The following SIPA1 variants were observed in gnomAD, a reference collection of about 807,000 sequenced individuals.
The protein encoded by SIPA1 is signal-induced proliferation-associated protein 1.
In SIPA1, 51 loss-of-function variants were observed where a neutral mutation model predicts 88.1. The ratio of observed to expected loss-of-function variants is 0.58; its 90% CI spans 0.46 to 0.73. SIPA1 has a LOEUF of 0.73. Among genes scored for constraint, SIPA1 ranks in the 30% least tolerant of loss-of-function variants. The pLI, the probability that SIPA1 is intolerant of heterozygous loss-of-function variation, is 0.00. For missense variants in SIPA1, 1,348 were observed against 1,467.6 expected (o/e 0.92, Z 1.33); for synonymous variants, 681 against 664.8 (o/e 1.02, Z -0.37).
In SIPA1 at chr11:65,642,090, A is replaced by G. The variant is rs1340679080; in HGVS notation, c.680-160A>G. 1.0e-5 allele frequency: 11 copies of G among 1,057,556 alleles called. No individual in the cohort carries two copies. Among genetic ancestry groups the G allele is most frequent in the Admixed American group, 3.0e-5 (1 of 33,596 alleles). 65.5% of individuals were successfully genotyped at this position (1,057,556 alleles called of 1,614,324 possible). A position where few individuals can be genotyped will look rare whatever the true frequency, so the allele number is the denominator to read the frequency against. ...CACCTCTGGGTCAGGGTTGAGATCAAGATATTGAGCTCGGGGCTACAGAGG... is the reference window on the plus strand; with the variant it reads ...CACCTCTGGGTCAGGGTTGAGATCAGGATATTGAGCTCGGGGCTACAGAGG... On this transcript the variant is annotated intron_variant, in intron 2 of 15. Coordinates refer to ENST00000534313, the MANE Select transcript of SIPA1 (RefSeq NM_006747.4). The surrounding 1 kb of genome is among the most constrained non-coding windows in gnomAD (Gnocchi z 6.5).
rs1256311709 is a variant in SIPA1, at chr11:65,646,766, G to A, written c.1732G>A (p.Ala578Thr). The A allele has an allele frequency of 6.0e-6, 9 of 1,488,844 alleles. No individual in the cohort carries two copies. Among genetic ancestry groups the A allele is most frequent in the Non-Finnish European group, 7.1e-6 (8 of 1,126,714 alleles). 92.2% of individuals were successfully genotyped at this position (1,488,844 alleles called of 1,614,324 possible). The change falls in exon 8 of 16, where the codon GCG becomes ACG. Residue 578 changes from alanine (A) to threonine (T), a missense_variant. Physicochemically the swap from Ala to Thr is moderately conservative, Grantham distance 58. Transcript: ENST00000534313. The surrounding 1 kb of genome is among the most constrained non-coding windows in gnomAD (Gnocchi z 7.5). ...GGGCCCAGGCGCCGAGCTGCAGGCA[G>A]CGGGCTCACTGGTGTGGGGAGTGCG... ...PRGPGAELQAAGSLVWGVRAA... is the reference protein window; with the variant it reads ...PRGPGAELQATGSLVWGVRAA...
At chr11:65,644,255 T>C (rs1215538486) in intron 4 of SIPA1, among the ~76,000 whole-genome samples, 1 of 149,314 alleles carries the variant, frequency 6.7e-6, no homozygotes, top group African/African-American at 2.5e-5. Context: ...GGGAGGAGCA[T>C]GGGTGGAGAA....
chr11:65,645,007 C>T lies in SIPA1; in HGVS notation c.1037C>T (p.Ser346Leu), dbSNP rs201118568. 4.4e-5 allele frequency: 71 copies of T among 1,613,906 alleles called. No individual in the cohort carries two copies. The East Asian group carries it at 1.2e-3, about 26-fold the overall frequency. Residue 346 changes from serine (S) to leucine (L), a missense_variant, in exon 5 of 16, where the codon TCG becomes TTG. This residue lies in a region of SIPA1 where 641 missense variants were observed against 797.7 expected (regional missense o/e 0.80). Coordinates refer to ENST00000534313, the MANE Select transcript of SIPA1 (RefSeq NM_006747.4). ...CTGTACTGCCGGGCGGGCCAGGGCT[C>T]GGAGGAGGAGATGTACAACAACCAG... ...GILYCRAGQG[S>L]EEEMYNNQEA...
chr11:65,643,824 C>A (rs1014907058), intron 4 of SIPA1, among the ~76,000 whole-genome samples: 1 of 148,412 alleles, frequency 6.7e-6, no homozygotes, highest in African/African-American at 2.5e-5. Context: ...TGGGGAGGGG[C>A]GGGGGAGAAG....
chr11:65,643,480 G>A (rs554583608), intron 4 of SIPA1, among the ~76,000 whole-genome samples: 35 of 152,334 alleles, frequency 2.3e-4, no homozygotes, highest in African/African-American at 8.4e-4. Context: ...CCTTTTTGGT[G>A]CCAGGCCTCA....
chr11:65,650,663 G>A lies in SIPA1; in HGVS notation c.3077G>A (p.Arg1026His), dbSNP rs761466450. The change falls in exon 16 of 16, where the codon CGC becomes CAC. Residue 1026 changes from arginine to histidine, a missense_variant. Around this residue, in one of 4 missense-constraint regions of SIPA1, gnomAD observed 615 missense variants for 559.8 expected, o/e 1.10. Transcript: ENST00000534313. ...GCGGAGTCTGAGAGTGCAGCCACAC[G>A]CCTCCTCCTGGCCTCCAAGCAGCTG... Reference protein sequence around the residue: ...LQAESESAATRLLLASKQLGS... With the variant: ...LQAESESAATHLLLASKQLGS... 35 of 1,575,756 alleles carry A rather than the reference G, an allele frequency of 2.2e-5. No individual in the cohort carries two copies. The highest frequency in any genetic ancestry group is 1.7e-4 in the South Asian group (15 of 86,590).
chr11:65,641,673 A>G (rs1299275200), intron 2 of SIPA1, 73 bp downstream of exon 2: 5 of 1,313,844 alleles, frequency 3.8e-6, no homozygotes, highest in Non-Finnish European at 5.2e-6. Flanking sequence ...CAGTGCACAC[A>G]GTAGGGCTCA....
rs767549842 is a variant in SIPA1, at chr11:65,641,496, C to T, written c.575C>T (p.Ala192Val). Reference protein sequence around the residue: ...SPPVPPALPNAAVSILEEPQN... With the variant: ...SPPVPPALPNVAVSILEEPQN... ...CCTGTGCCCCCTGCACTGCCCAACGCGGCCGTGTCCATCCTGGAGGAGCCA... is the reference window on the plus strand; with the variant it reads ...CCTGTGCCCCCTGCACTGCCCAACGTGGCCGTGTCCATCCTGGAGGAGCCA... The change falls in exon 2 of 16, where the codon GCG becomes GTG. Residue 192 changes from alanine to valine, a missense_variant. Ala to Val is a moderately conservative substitution (Grantham distance 64). This residue lies in a region of SIPA1 where 641 missense variants were observed against 797.7 expected (regional missense o/e 0.80). Transcript: ENST00000534313. 16 of 1,612,194 alleles carry T rather than the reference C, an allele frequency of 9.9e-6. No homozygotes were observed. The highest frequency in any genetic ancestry group is 4.5e-5 in the East Asian group (2 of 44,880).
chr11:65,647,008 G>T lies in SIPA1; in HGVS notation c.1974G>T (p.Thr658=). Residue 658 remains threonine, a synonymous_variant, in exon 8 of 16, where the codon ACG becomes ACT. Coordinates refer to ENST00000534313, the MANE Select transcript of SIPA1 (RefSeq NM_006747.4). ...DLYHGRGEAI[T]LRFDGSPGQA... ...ACCACGGCCGCGGGGAGGCGATCAC[G>T]CTGCGCTTCGACGGGTCCCCCGGCC... 6.5e-7 allele frequency: 1 copy of T among 1,540,200 alleles called. No homozygotes were observed. Among genetic ancestry groups the T allele is most frequent in the Non-Finnish European group, 8.7e-7 (1 of 1,148,848 alleles).
rs933429148 is a variant in SIPA1 at position 65,646,548 on chromosome 11, C to T, written c.1514C>T (p.Ala505Val). 3 of 1,555,312 alleles carry T rather than the reference C, an allele frequency of 1.9e-6. No homozygotes were observed. Among genetic ancestry groups the T allele is most frequent in the Admixed American group, 1.9e-5 (1 of 53,984 alleles). ...GPFAANADFR[A>V]FLLAKALNGE... The stretch of plus-strand genomic sequence containing the variant: ...TTCGCAGCCAACGCCGACTTCCGGG[C>T]CTTCCTGCTGGCCAAAGCGCTGAAT... The change falls in exon 8 of 16, where the codon GCC (alanine) becomes GTC (valine). Residue 505 changes from alanine (A) to valine (V), a missense_variant. Transcript: ENST00000534313. This position sits in a 1 kb window ranked among gnomAD's most constrained non-coding sequence, Gnocchi z 7.5.
In SIPA1 at chr11:65,642,557, C is replaced by T; in HGVS notation, c.902C>T (p.Pro301Leu). 3.7e-6 allele frequency: 6 copies of T among 1,602,506 alleles called. No individual in the cohort carries two copies. Among genetic ancestry groups the T allele is most frequent in the African/African-American group, 1.3e-5 (1 of 74,996 alleles). The change falls in exon 4 of 16, where the codon CCG (proline) becomes CTG (leucine). Residue 301 changes from proline (P) to leucine (L), a missense_variant. Physicochemically the swap from Pro to Leu is moderately conservative, Grantham distance 98. Coordinates refer to ENST00000534313, the MANE Select transcript of SIPA1 (RefSeq NM_006747.4). This position sits in a 1 kb window ranked among gnomAD's most constrained non-coding sequence, Gnocchi z 6.5. ...AGGAAACTTCTGGAGCACGTGGCGC[C>T]GCAGCTGAGCCCCAGCTGCCTGCGC... ...SPRKLLEHVA[P>L]QLSPSCLRLG...
Position 65,641,592 on chromosome 11 carries a change from A to G in SIPA1, c.671A>G (p.Tyr224Cys). ...LGAGYYRKYF[Y>C]GKEHQNFFGM... Reference sequence around the variant, plus strand: ...GCTGGCTACTACCGCAAATACTTCTATGGCAAAGGTGAGGAAAGGCAGTTC... The same window carrying G: ...GCTGGCTACTACCGCAAATACTTCTGTGGCAAAGGTGAGGAAAGGCAGTTC... The change falls in exon 2 of 16, where the codon TAT (tyrosine) becomes TGT (cysteine). Residue 224 changes from tyrosine to cysteine, a missense_variant. By Grantham distance (194) the Tyr-to-Cys change is radical (BLOSUM62 -2). Coordinates refer to ENST00000534313, the MANE Select transcript of SIPA1 (RefSeq NM_006747.4). 1 of 1,606,226 alleles carries G rather than the reference A, an allele frequency of 6.2e-7. No homozygotes were observed. The highest frequency in any genetic ancestry group is 2.2e-5 in the East Asian group (1 of 44,772).
At position 65,650,433 on chromosome 11, in the gene SIPA1, C is replaced by G; in HGVS notation, c.2936C>G (p.Ser979Cys). 1.2e-6 allele frequency: 2 copies of G among 1,614,106 alleles called. No individual in the cohort carries two copies. Among genetic ancestry groups the G allele is most frequent in the Non-Finnish European group, 1.7e-6 (2 of 1,180,002 alleles). ...CCTGGGAACCTCTCAGAGAAGGTCT[C>G]TCACTTGGAGTCCATGCTCAGGAAG... is the stretch of plus-strand genomic sequence containing the variant. ...PEPGNLSEKV[S>C]HLESMLRKLQ... The change falls in exon 15 of 16, where the codon TCT becomes TGT. Residue 979 changes from serine (S) to cysteine (C), a missense_variant. Physicochemically the swap from Ser to Cys is moderately radical, Grantham distance 112. Coordinates refer to ENST00000534313, the MANE Select transcript of SIPA1 (RefSeq NM_006747.4).
intron 1 of SIPA1, 42 bp from the exon 2 acceptor site, chr11:65,640,789 T>G: frequency 1.3e-6 from 1 of 769,894 alleles, no homozygotes; most frequent in South Asian, 2.3e-5. Flanking sequence ...TGGGTTCCTG[T>G]TTTCTGCCCA....
At chr11:65,650,089 G>A (rs768130915) in intron 13 of SIPA1, 38 bp downstream of exon 13, 1 of 1,611,808 alleles carries the variant, frequency 6.2e-7, no homozygotes, top group South Asian at 1.1e-5. Flanking sequence ...CCTGGGCAGT[G>A]CTCTTGCCCC....
In SIPA1 at chr11:65,650,553, C is replaced by A. The variant is rs375234973; in HGVS notation, c.2983-16C>A. On this transcript the variant is annotated splice_polypyrimidine_tract_variant and intron_variant, in intron 15 of 15. Coordinates refer to ENST00000534313, the MANE Select transcript of SIPA1 (RefSeq NM_006747.4). ...AGGGGCTGGCGGCTCTGACTCCTGT[C>A]TCCCCGGCACCCCAGGAGAAGGCGG... is the stretch of plus-strand genomic sequence containing the variant. The A allele has an allele frequency of 6.6e-5, 106 of 1,608,980 alleles. No individual in the cohort carries two copies. The highest frequency in any genetic ancestry group is 8.3e-5 in the Non-Finnish European group (98 of 1,177,350).
chr11:65,640,973 G>A lies in SIPA1; in HGVS notation c.52G>A (p.Ala18Thr). The A allele has an allele frequency of 6.4e-7, 1 of 1,574,308 alleles. No individual in the cohort carries two copies. Among genetic ancestry groups the A allele is most frequent in the Non-Finnish European group, 8.6e-7 (1 of 1,167,160 alleles). ...VGSPRRGMAP[A>T]STDDLFARKL... ...GAGCCCTCGGCGGGGCATGGCCCCT[G>A]CGTCCACAGATGACCTCTTTGCCCG... The change falls in exon 2 of 16, where the codon GCG (alanine) becomes ACG (threonine). Residue 18 changes from alanine to threonine, a missense_variant. Ala to Thr is a moderately conservative substitution (Grantham distance 58). Coordinates refer to ENST00000534313, the MANE Select transcript of SIPA1 (RefSeq NM_006747.4).
At chr11:65,639,467 T>C (rs11827943) in intron 1 of SIPA1, among the ~76,000 whole-genome samples, 4,227 of 152,224 alleles carry the variant, frequency 0.028, 195 homozygotes, top group African/African-American at 0.093. Context: ...GGGAGTTTAT[T>C]CAGGAGAAAT....
intron 9 of SIPA1, among the ~76,000 whole-genome samples, chr11:65,648,317 C>T (rs1565182889): frequency 6.6e-6 from 1 of 152,136 alleles, no homozygotes; most frequent in Non-Finnish European, 1.5e-5. Context: ...TGATAACTTC[C>T]TGTGCTAAGC....
Sources: gnomAD v4.1 joint callset for allele counts (sites outside exome capture counted in the v4.1 genomes callset) on GRCh38, gnomAD v4.1.1 for gene constraint, gnomAD v4.1.1 regional missense constraint, Gnocchi (gnomAD v3.1) non-coding constraint, MANE v1.5 for transcripts, NCBI Gene and HGNC (gene_info 2026-07-23, HGNC 2026-07-21) for gene names.